The following PPIL3 variants were observed in gnomAD, a reference collection of about 807,000 sequenced individuals.
PPIL3 encodes peptidyl-prolyl cis-trans isomerase-like 3.
In PPIL3, 13 loss-of-function variants were observed where a neutral mutation model predicts 20.9. The ratio of observed to expected loss-of-function variants is 0.62; its 90% CI spans 0.40 to 0.99. PPIL3 has a LOEUF of 0.99. Ranked by LOEUF, PPIL3 falls within the 50% of genes least tolerant of loss-of-function variation. The probability of loss-of-function intolerance (pLI) is 0.00; values close to 1 mark genes in which losing one functional copy is unlikely to be tolerated. For missense variants in PPIL3, 170 were observed against 195.2 expected, an observed-to-expected ratio of 0.87 and a Z score of 0.77; for synonymous variants, 71 against 64.4, an observed-to-expected ratio of 1.10 and a Z score of -0.49.
intron 5 of PPIL3, among the ~76,000 whole-genome samples, chr2:200,878,990 C>T (rs2039617352): frequency 6.6e-6 from 1 of 152,140 alleles, no homozygotes; most frequent in South Asian, 2.1e-4. Context: ...CAGAACACTC[C>T]TGTACATGTC....
intron 5 of PPIL3, among the ~76,000 whole-genome samples, chr2:200,878,444 C>T (rs2039601142): frequency 6.7e-6 from 1 of 148,244 alleles, no homozygotes; most frequent in East Asian, 2.0e-4. Flanking sequence ...GGTTAGAGTG[C>T]AGTGGTGCAA....
intron 6 of PPIL3, among the ~76,000 whole-genome samples, chr2:200,872,274 A>C (rs1158448831): frequency 6.6e-6 from 1 of 152,108 alleles, no homozygotes; most frequent in Non-Finnish European, 1.5e-5. Flanking sequence ...CAAATGGAGG[A>C]GATGCATAGG....
chr2:200,882,887 C>T (rs1167050109), intron 3 of PPIL3, among the ~76,000 whole-genome samples: 1 of 148,188 alleles, frequency 6.7e-6, no homozygotes, highest in Non-Finnish European at 1.5e-5. Context: ...GCGACAGAGA[C>T]TCCGTCTCAA....
chr2:200,874,963 T>C (rs554515108), intron 6 of PPIL3, among the ~76,000 whole-genome samples: 1 of 152,296 alleles, frequency 6.6e-6, no homozygotes, highest in East Asian at 1.9e-4. Flanking sequence ...TATTTTTAAT[T>C]AACCTAATTT....
chr2:200,879,212 G>T (rs543070019), intron 5 of PPIL3, among the ~76,000 whole-genome samples: 33 of 151,864 alleles, frequency 2.2e-4, no homozygotes, highest in Non-Finnish European at 4.3e-4. Context: ...ACTGCCTCCC[G>T]GGTTCAGGCC....
At chr2:200,879,459 A>G (rs997481304) in intron 5 of PPIL3, among the ~76,000 whole-genome samples, 1 of 152,122 alleles carries the variant, frequency 6.6e-6, no homozygotes, top group Non-Finnish European at 1.5e-5. Context: ...AGAATCATCT[A>G]GGAACCTTAA....
At chr2:200,883,540 G>C (rs2039816382) in intron 3 of PPIL3, among the ~76,000 whole-genome samples, 1 of 151,342 alleles carries the variant, frequency 6.6e-6, no homozygotes, top group African/African-American at 2.4e-5. Context: ...GATCACTTGA[G>C]TCCAGGAGTT....
chr2:200,878,725 T>C lies in PPIL3; in HGVS notation c.241-1688A>G, dbSNP rs139592397. ...CATTTACACATGCCTAAACAACACA[T>C]TCTTTCCTTTTCCTTCTGAATATAA... On this transcript the variant is annotated intron_variant, in intron 5 of 6. Transcript: ENST00000392283. 2.0e-5 allele frequency among the ~76,000 whole-genome samples: 3 copies of C among 152,256 alleles called. No homozygotes were observed. The East Asian group carries it at 5.8e-4, about 29-fold the overall frequency.
Position 200,886,716 on chromosome 2 carries a change from G to A in PPIL3, c.3+897C>T, listed in dbSNP as rs1485793205. Among the ~76,000 whole-genome samples the A allele has an allele frequency of 2.0e-5, 3 of 152,234 alleles. No homozygotes were observed. The East Asian group carries it at 5.8e-4, about 29-fold the overall frequency. On this transcript the variant is annotated intron_variant, in intron 2 of 6. Coordinates refer to ENST00000392283, the MANE Select transcript of PPIL3 (RefSeq NM_130906.3). ...GCCGAGATTACAGGCGTGAGCCACC[G>A]CGCCTGGCCTAGCAGTTAGAGAGTA... is the stretch of plus-strand genomic sequence containing the variant.
intron 3 of PPIL3, among the ~76,000 whole-genome samples, chr2:200,883,276 T>G (rs1481707419): frequency 6.6e-6 from 1 of 151,940 alleles, no homozygotes; most frequent in African/African-American, 2.4e-5. Flanking sequence ...AAAATTTTAT[T>G]TCACAACCTT....
At chr2:200,885,828 A>G in intron 2 of PPIL3, 56 bp from the exon 3 acceptor site, 1 of 1,061,954 alleles carries the variant, frequency 9.4e-7, no homozygotes, top group Non-Finnish European at 1.4e-6. Context: ...GACTTTATGC[A>G]TTGTTTATTT....
chr2:200,882,639 G>C (rs1308806418), intron 3 of PPIL3, among the ~76,000 whole-genome samples: 1 of 152,148 alleles, frequency 6.6e-6, no homozygotes, highest in Non-Finnish European at 1.5e-5. Context: ...GCCGGGCATG[G>C]TGGCTAACGC....
At chr2:200,884,526 C>G (rs1399999413) in intron 3 of PPIL3, among the ~76,000 whole-genome samples, 1 of 152,008 alleles carries the variant, frequency 6.6e-6, no homozygotes, top group Non-Finnish European at 1.5e-5. Context: ...TGGCTGGAGA[C>G]CAGGAGTTCG....
At chr2:200,884,150 G>A (rs61520446) in intron 3 of PPIL3, among the ~76,000 whole-genome samples, 2 of 41,186 alleles carry the variant, frequency 4.9e-5, no homozygotes, top group Admixed American at 3.4e-4. Context: ...AGTGGCTTTG[G>A]GCAGCACTTT....
chr2:200,877,602 T>C (rs537456386), intron 5 of PPIL3: 2 of 152,362 alleles, frequency 1.3e-5, no homozygotes, highest in Non-Finnish European at 2.9e-5. Flanking sequence ...CTAGTTTCTT[T>C]ATCTGTAAAA....
chr2:200,888,076 C>T (rs949268416), intron 1 of PPIL3, among the ~76,000 whole-genome samples: 1 of 128,478 alleles, frequency 7.8e-6, no homozygotes, highest in Admixed American at 7.4e-5. Flanking sequence ...AAAAAAAAAT[C>T]CTCTAATGGC....
chr2:200,876,813 G>C lies in PPIL3; in HGVS notation c.359+106C>G. On this transcript the variant is annotated intron_variant, in intron 6 of 6. Transcript: ENST00000392283. ...GCTGGGATTACAGGTGTGAGGCACT[G>C]CGCTCGGCCTCACTCTTTTCAATAT... The C allele has an allele frequency of 4.5e-6, 4 of 891,088 alleles. No homozygotes were observed. In the Middle Eastern group the frequency reaches 7.3e-4, roughly 163 times the overall value. 55.2% of individuals were successfully genotyped at this position (891,088 alleles called of 1,614,324 possible). A position where few individuals can be genotyped will look rare whatever the true frequency, so the allele number is the denominator to read the frequency against.
intron 3 of PPIL3, 70 bp downstream of exon 3, chr2:200,885,628 G>A (rs2039906450): frequency 5.0e-6 from 5 of 991,936 alleles, no homozygotes; most frequent in East Asian, 2.5e-5. Flanking sequence ...ATTTAGGTTA[G>A]ATTATTCAAT....
At chr2:200,887,578 T>A (rs1412654703) in intron 2 of PPIL3, 35 bp downstream of exon 2, 1 of 1,522,042 alleles carries the variant, frequency 6.6e-7, no homozygotes, top group Non-Finnish European at 9.0e-7. Context: ...TTACTTATAA[T>A]GAAAGACATT....
Sources: gnomAD v4.1 joint callset for allele counts (sites outside exome capture counted in the v4.1 genomes callset) on GRCh38, gnomAD v4.1.1 for gene constraint, MANE v1.5 for transcripts, NCBI Gene and HGNC (gene_info 2026-07-23, HGNC 2026-07-21) for gene names.